PPHLN1: variants seen among roughly 807,000 people sequenced by gnomAD.
PPHLN1 encodes the protein periphilin-1.
In PPHLN1, 29 loss-of-function variants were observed where a neutral mutation model predicts 51.3. The observed-to-expected ratio is 0.57, with a 90% CI of 0.42 to 0.77. PPHLN1 has a LOEUF of 0.77. Among genes scored for constraint, PPHLN1 ranks in the 30% least tolerant of loss-of-function variants. The pLI, the probability that PPHLN1 is intolerant of heterozygous loss-of-function variation, is 0.00. For synonymous variants in PPHLN1, 147 were observed against 147.8 expected, an observed-to-expected ratio of 0.99 and a Z score of 0.04; for missense variants, 436 against 438.4, an observed-to-expected ratio of 0.99 and a Z score of 0.05.
At chr12:42,405,806 G>A (rs1317201305) in intron 9 of PPHLN1, among the ~76,000 whole-genome samples, 1 of 152,064 alleles carries the variant, frequency 6.6e-6, no homozygotes, top group Non-Finnish European at 1.5e-5. Flanking sequence ...TTTCCAGTTG[G>A]CTGAAGTTAG....
intron 9 of PPHLN1, 176 bp downstream of exon 9, chr12:42,399,170 C>G: frequency 2.3e-6 from 3 of 1,326,526 alleles, no homozygotes; most frequent in Non-Finnish European, 2.9e-6. Context: ...TCAGTATGGT[C>G]CCCCACCTGG....
At chr12:42,416,891 G>A (rs1388360648) in intron 9 of PPHLN1, among the ~76,000 whole-genome samples, 1 of 152,202 alleles carries the variant, frequency 6.6e-6, no homozygotes, top group African/African-American at 2.4e-5. Context: ...ATCATTTTAT[G>A]AGATAGGTGG....
chr12:42,338,566 C>T (rs1253825873), intron 2 of PPHLN1, among the ~76,000 whole-genome samples: 1 of 152,098 alleles, frequency 6.6e-6, no homozygotes, highest in Non-Finnish European at 1.5e-5. Context: ...GAAAGATAGG[C>T]AATCGGTATT....
rs1208283780 is a variant in PPHLN1 at position 42,384,986 on chromosome 12, T to C, written c.558T>C (p.Asn186=). ...CCTACAAACGGCAGAATGAAGGAAA[T>C]CCTGAAAGAGGTGAGTTTTGAGCTA... is the stretch of plus-strand genomic sequence containing the variant. ...GASYKRQNEG[N]PERDKERPVQ... Residue 186 remains asparagine, a synonymous_variant, in exon 6 of 10, where the codon AAT becomes AAC. Transcript: ENST00000358314. 1 of 1,609,946 alleles carries C rather than the reference T, an allele frequency of 6.2e-7. No homozygotes were observed. Among genetic ancestry groups the C allele is most frequent in the Admixed American group, 1.7e-5 (1 of 60,000 alleles).
Position 42,400,791 on chromosome 12 carries a change from C to T in PPHLN1, c.909+1797C>T, listed in dbSNP as rs541077276. 1.9e-3 allele frequency among the ~76,000 whole-genome samples: 253 copies of T among 135,956 alleles called. 2 individuals carry two copies. The highest frequency in any genetic ancestry group is 6.4e-3 in the African/African-American group (236 of 37,026). The allele number at this position is 135,956 out of a possible 152,430, so 89.2% of individuals were successfully genotyped here. The stretch of plus-strand genomic sequence containing the variant: ...TCTCTCTCTTTCTCTCTCTCTCTCT[C>T]TCTCTTTCACACACACACACACACA... On this transcript the variant is annotated intron_variant, in intron 9 of 9. Transcript: ENST00000358314.
chr12:42,437,091 G>C (rs1275970671), intron 9 of PPHLN1, among the ~76,000 whole-genome samples: 1 of 152,014 alleles, frequency 6.6e-6, no homozygotes, highest in Non-Finnish European at 1.5e-5. Flanking sequence ...ATTTCTACTT[G>C]TAGCTCTTTC....
chr12:42,331,415 A>ATAT (rs1316657790), intron 1 of PPHLN1, among the ~76,000 whole-genome samples: 1 of 152,188 alleles, frequency 6.6e-6, no homozygotes, highest in Non-Finnish European at 1.5e-5. Flanking sequence ...TGACAGAAGG[A>ATAT]TATTGCCTAT....
intron 8 of PPHLN1, among the ~76,000 whole-genome samples, chr12:42,396,151 T>C (rs1328738431): frequency 6.6e-6 from 1 of 152,174 alleles, no homozygotes; most frequent in Admixed American, 6.5e-5. Context: ...GGTTTTGATA[T>C]TTCAGCACTT....
intron 1 of PPHLN1, chr12:42,332,543 G>A (rs1234408907): frequency 6.1e-6 from 4 of 659,142 alleles, no homozygotes; most frequent in Non-Finnish European, 1.0e-5. Context: ...GAGTGTGTTT[G>A]AAGCGAGTTT....
intron 9 of PPHLN1, among the ~76,000 whole-genome samples, chr12:42,402,574 C>T (rs1323294812): frequency 6.6e-6 from 1 of 152,136 alleles, no homozygotes; most frequent in Non-Finnish European, 1.5e-5. Context: ...AGGTCTCTTC[C>T]TGATCTAAAT....
At chr12:42,428,716 C>T (rs11609460) in intron 9 of PPHLN1, among the ~76,000 whole-genome samples, 12,735 of 151,978 alleles carry the variant, frequency 0.084, 742 homozygotes, top group Non-Finnish European at 0.13. Flanking sequence ...TCACAGATCA[C>T]CACCATAGAA....
intron 8 of PPHLN1, among the ~76,000 whole-genome samples, chr12:42,395,975 T>C (rs2078163874): frequency 6.6e-6 from 1 of 152,198 alleles, no homozygotes; most frequent in Non-Finnish European, 1.5e-5. Flanking sequence ...AGGCATGTTG[T>C]GGTTCCTGCC....
At chr12:42,439,192 T>C (rs930800651) in intron 9 of PPHLN1, among the ~76,000 whole-genome samples, 1 of 152,236 alleles carries the variant, frequency 6.6e-6, no homozygotes, top group Non-Finnish European at 1.5e-5. Context: ...AGGTCTGCGA[T>C]CCATTTTGAG....
intron 9 of PPHLN1, among the ~76,000 whole-genome samples, chr12:42,438,193 G>A (rs2082643533): frequency 6.6e-6 from 1 of 152,180 alleles, no homozygotes; most frequent in African/African-American, 2.4e-5. Context: ...ACTTAGCAGT[G>A]GGATTGCTGG....
intron 3 of PPHLN1, among the ~76,000 whole-genome samples, chr12:42,354,328 C>T (rs940858965): frequency 1.3e-5 from 2 of 152,130 alleles, no homozygotes; most frequent in Non-Finnish European, 2.9e-5. Flanking sequence ...AAGTAATTCT[C>T]CTGCCTCAGC....
chr12:42,407,642 C>G (rs144456587), intron 9 of PPHLN1, among the ~76,000 whole-genome samples: 37 of 152,262 alleles, frequency 2.4e-4, no homozygotes, highest in African/African-American at 8.7e-4. Flanking sequence ...TCAGAGATAC[C>G]AAAATCCATG....
chr12:42,442,626 C>A, downstream of PPHLN1: 1 of 1,613,600 alleles, frequency 6.2e-7, no homozygotes, highest in South Asian at 1.1e-5. Context: ...TCCTTTCATC[C>A]GGTCGCTCGG....
intron 9 of PPHLN1, chr12:42,431,781 G>A: frequency 1.9e-6 from 2 of 1,071,746 alleles, no homozygotes; most frequent in Non-Finnish European, 2.9e-6. Context: ...AGAAGCACTA[G>A]TCGGGCTATT....
intron 2 of PPHLN1, among the ~76,000 whole-genome samples, chr12:42,340,468 G>A (rs986274763): frequency 2.0e-5 from 3 of 152,196 alleles, no homozygotes; most frequent in Non-Finnish European, 4.4e-5. Context: ...GTCCAACAGT[G>A]AAGTTGATTG....
Sources: gnomAD v4.1 joint callset for allele counts (sites outside exome capture counted in the v4.1 genomes callset) on GRCh38, gnomAD v4.1.1 for gene constraint, MANE v1.5 for transcripts, NCBI Gene and HGNC (gene_info 2026-07-23, HGNC 2026-07-21) for gene names.